The following PCED1A variants were observed in gnomAD, a reference collection of about 807,000 sequenced individuals.
The protein encoded by PCED1A is PC-esterase domain containing 1A.
In PCED1A, 20 loss-of-function variants were observed where a neutral mutation model predicts 41.9. The observed-to-expected ratio is 0.48, with a 90% confidence interval of 0.34 to 0.69. The LOEUF (loss-of-function observed/expected upper bound fraction) is 0.69. Among genes scored for constraint, PCED1A ranks in the 30% least tolerant of loss-of-function variants. The pLI, the probability that PCED1A is intolerant of heterozygous loss-of-function variation, is 0.01. For synonymous variants in PCED1A, 236 were observed against 241.3 expected (o/e 0.98, Z 0.20); for missense variants, 498 against 602.1 (o/e 0.83, Z 1.81).
At chr20:2,835,994 G>GT (rs1245002804) in intron 7 of PCED1A, 45 bp downstream of exon 7, 1 of 1,457,328 alleles carries the variant, frequency 6.9e-7, no homozygotes, top group East Asian at 2.5e-5. Context: ...AGGAGGCTGG[G>GT]TAAGGGGAGG....
Position 2,838,943 on chromosome 20 carries a change from C to T in PCED1A, c.344G>A (p.Arg115His), listed in dbSNP as rs1403707202. ...ATCCTCAAGGTACTCGGAGTAAACA[C>T]GAGTGAGGAAGTAGAAGCGCACAAG... ...HHLVRFYFLT[R>H]VYSEYLEDVL... Residue 115 changes from arginine (R) to histidine (H), a missense_variant, in exon 4 of 8, where the codon CGT (arginine) becomes CAT (histidine). By Grantham distance (29) the Arg-to-His change is conservative. Transcript: ENST00000360652. The surrounding 1 kb of genome is among the most constrained non-coding windows in gnomAD (Gnocchi z 5.8). 7 of 1,613,918 alleles carry T rather than the reference C, an allele frequency of 4.3e-6. No individual in the cohort carries two copies. Among genetic ancestry groups the T allele is most frequent in the African/African-American group, 4.0e-5 (3 of 74,902 alleles).
chr20:2,840,813 C>G, upstream of PCED1A: 1 of 1,548,092 alleles, frequency 6.5e-7, no homozygotes, highest in Non-Finnish European at 8.7e-7. Flanking sequence ...CACTCGGGGA[C>G]TCTGCCTTTT....
At position 2,835,324 on chromosome 20, in the gene PCED1A, T is replaced by C. The variant is rs1348487358; in HGVS notation, c.*138A>G. 4 of 1,181,874 alleles carry C rather than the reference T, an allele frequency of 3.4e-6. No individual in the cohort carries two copies. Among genetic ancestry groups the C allele is most frequent in the African/African-American group, 1.6e-5 (1 of 63,902 alleles). 73.2% of individuals were successfully genotyped at this position (1,181,874 alleles called of 1,614,324 possible). A position where few individuals can be genotyped will look rare whatever the true frequency, so the allele number is the denominator to read the frequency against. On this transcript the variant is annotated 3_prime_UTR_variant, in exon 8 of 8. Transcript: ENST00000360652. ...CACTGCACACAGGAATTTGTCACTC[T>C]GTTCTTCCATGCCTTTATTGGTGAC... is the stretch of plus-strand genomic sequence containing the variant.
chr20:2,837,920 C>T (rs984362575), intron 6 of PCED1A, among the ~76,000 whole-genome samples: 7 of 152,200 alleles, frequency 4.6e-5, no homozygotes, highest in African/African-American at 1.7e-4. Context: ...ACCCATGCCC[C>T]ATTTCTTTCC....
At chr20:2,839,692 A>G (rs2146622068) in intron 2 of PCED1A, 97 bp downstream of exon 2, 1 of 1,530,720 alleles carries the variant, frequency 6.5e-7, no homozygotes, top group Non-Finnish European at 8.9e-7. Context: ...AGACCAGAAG[A>G]CAGACAAGAG....
Position 2,839,062 on chromosome 20 carries a change from C to G in PCED1A, c.225G>C (p.Gln75His), listed in dbSNP as rs571531085. ...LKAKGELSFE[Q>H]DQLVAGGQLG... Reference sequence around the variant, plus strand: ...GCTGGCCCCCAGCCACCAGCTGGTCCTGTTCAAAGCTCAGCTCCCCCTACC... The same window carrying G: ...GCTGGCCCCCAGCCACCAGCTGGTCGTGTTCAAAGCTCAGCTCCCCCTACC... The change falls in exon 4 of 8, where the codon CAG becomes CAC. Residue 75 changes from glutamine (Q) to histidine (H), a missense_variant. Physicochemically the swap from Gln to His is conservative, Grantham distance 24 (BLOSUM62 0). This residue lies in a region of PCED1A where 253 missense variants were observed against 369.7 expected (regional missense o/e 0.68). Transcript: ENST00000360652. 3.1e-6 allele frequency: 5 copies of G among 1,613,298 alleles called. No homozygotes were observed. Among genetic ancestry groups the G allele is most frequent in the Non-Finnish European group, 4.2e-6 (5 of 1,179,888 alleles).
In PCED1A at chr20:2,839,825, G is replaced by A; in HGVS notation, c.88C>T (p.Leu30=). 6.2e-7 allele frequency: 1 copy of A among 1,614,186 alleles called. No individual in the cohort carries two copies. The highest frequency in any genetic ancestry group is 8.5e-7 in the Non-Finnish European group (1 of 1,180,018). Residue 30 remains leucine (L), a synonymous_variant, in exon 2 of 8, where the codon CTA becomes TTA. Coordinates refer to ENST00000360652, the MANE Select transcript of PCED1A (RefSeq NM_022760.6). ...AAGATGACCACGAACTTGTTGTGTA[G>A]CAGCTGCTGGACTTCCGAGGCCTGG... ...HFQASEVQQL[L]HNKFVVILGD...
chr20:2,835,544 C>T lies in PCED1A; in HGVS notation c.1283G>A (p.Arg428Gln), dbSNP rs544217065. The change falls in exon 8 of 8, where the codon CGG becomes CAG. Residue 428 changes from arginine (R) to glutamine (Q), a missense_variant. Physicochemically the swap from Arg to Gln is conservative, Grantham distance 43. Around this residue, in one of 2 missense-constraint regions of PCED1A, gnomAD observed 245 missense variants for 232.4 expected, o/e 1.05. Coordinates refer to ENST00000360652, the MANE Select transcript of PCED1A (RefSeq NM_022760.6). ...GATCAGTCTCTCTGAGTGTCTGAGC[C>T]GCTGCCTGCAGGGCCCCCCCATTCT... is the stretch of plus-strand genomic sequence containing the variant. ...VRRMGGPCRQ[R>Q]LRHSERLIHT... is the part of the protein sequence containing the mutation. 47 of 1,613,984 alleles carry T rather than the reference C, an allele frequency of 2.9e-5. No homozygotes were observed. Among genetic ancestry groups the T allele is most frequent in the South Asian group, 2.2e-4 (20 of 91,060 alleles).
At chr20:2,840,686 C>T (rs1328817111), upstream of PCED1A, 32 of 1,435,914 alleles carry the variant, frequency 2.2e-5, no homozygotes, top group East Asian at 3.7e-4. Context: ...CGCCACGTGA[C>T]CCGGACGGGC....
Position 2,838,251 on chromosome 20 carries a change from G to A in PCED1A, c.822C>T (p.Pro274=). Residue 274 remains proline (P), a synonymous_variant, in exon 6 of 8, where the codon CCC becomes CCT. Coordinates refer to ENST00000360652, the MANE Select transcript of PCED1A (RefSeq NM_022760.6). This position sits in a 1 kb window ranked among gnomAD's most constrained non-coding sequence, Gnocchi z 5.8. ...HVADAWGVEL[P]KRGYPPDPWI... ...GCTCACCAGGGGGATAGCCACGCTT[G>A]GGCAGCTCCACGCCCCAGGCGTCAG... 1 of 1,614,198 alleles carries A rather than the reference G, an allele frequency of 6.2e-7. No homozygotes were observed. The highest frequency in any genetic ancestry group is 8.5e-7 in the Non-Finnish European group (1 of 1,180,034).
Position 2,840,320 on chromosome 20 carries a change from G to A in PCED1A, c.-131C>T, listed in dbSNP as rs1200583758. 3 of 244,650 alleles carry A rather than the reference G, an allele frequency of 1.2e-5. No homozygotes were observed. Among genetic ancestry groups the A allele is most frequent in the African/African-American group, 6.9e-5 (3 of 43,542 alleles). 15.2% of individuals were successfully genotyped at this position (244,650 alleles called of 1,614,324 possible). ...AGCCTCATGTTCCCGCGCCCCAGTCGGCCAGTCGGTTCTGCAAAGCTCCCG... is the reference window on the plus strand; with the variant it reads ...AGCCTCATGTTCCCGCGCCCCAGTCAGCCAGTCGGTTCTGCAAAGCTCCCG... On this transcript the variant is annotated 5_prime_UTR_variant, in exon 1 of 8. Transcript: ENST00000360652.
upstream of PCED1A, chr20:2,840,664 C>G: frequency 1.6e-6 from 2 of 1,221,172 alleles, no homozygotes; most frequent in South Asian, 1.3e-5. Context: ...GTGATGGCCG[C>G]GGCGGCGGCC....
chr20:2,836,838 C>T (rs3746689), intron 6 of PCED1A, among the ~76,000 whole-genome samples: 31,205 of 152,034 alleles, frequency 0.21, 4,180 homozygotes, highest in African/African-American at 0.38. Flanking sequence ...CTGCCAGCAG[C>T]CTCAGTCCTT....
chr20:2,839,249 G>A lies in PCED1A; in HGVS notation c.147C>T (p.Asp49=), dbSNP rs754990849. The A allele has an allele frequency of 1.2e-5, 20 of 1,613,958 alleles. No individual in the cohort carries two copies. The highest frequency in any genetic ancestry group is 1.4e-5 in the Non-Finnish European group (16 of 1,180,016). ...AGTCTTTCTGGAGCAAGAGCACCAG[G>A]TCCTTGTACACAGCCCTCTGAACTG... ...GDSIQRAVYK[D]LVLLLQKDSL... The change falls in exon 3 of 8, where the codon GAC becomes GAT. Residue 49 remains aspartate (D), a synonymous_variant. Coordinates refer to ENST00000360652, the MANE Select transcript of PCED1A (RefSeq NM_022760.6).
chr20:2,835,394 C>A lies in PCED1A; in HGVS notation c.*68G>T, dbSNP rs1167478207. On this transcript the variant is annotated 3_prime_UTR_variant, in exon 8 of 8. Coordinates refer to ENST00000360652, the MANE Select transcript of PCED1A (RefSeq NM_022760.6). Reference sequence around the variant, plus strand: ...ACCAGGCATAGCAGACACCCTAGCCCAGTACCTGAGGTGCCAGGCAGGCCC... The same window carrying A: ...ACCAGGCATAGCAGACACCCTAGCCAAGTACCTGAGGTGCCAGGCAGGCCC... 12 of 1,536,548 alleles carry A rather than the reference C, an allele frequency of 7.8e-6. No homozygotes were observed. The highest frequency in any genetic ancestry group is 1.4e-5 in the African/African-American group (1 of 72,968).
intron 6 of PCED1A, among the ~76,000 whole-genome samples, chr20:2,837,350 T>G (rs945401298): frequency 3.3e-5 from 5 of 152,220 alleles, no homozygotes; most frequent in Non-Finnish European, 2.9e-5. Flanking sequence ...ATCGGCCTTC[T>G]AACATGACTC....
At chr20:2,837,541 T>C (rs1220321890) in intron 6 of PCED1A, among the ~76,000 whole-genome samples, 1 of 152,164 alleles carries the variant, frequency 6.6e-6, no homozygotes, top group Non-Finnish European at 1.5e-5. Flanking sequence ...TTTGTGTGCA[T>C]GCAGGGACTA....
At chr20:2,840,866 C>G (rs780130069), upstream of PCED1A, 6 of 1,502,924 alleles carry the variant, frequency 4.0e-6, no homozygotes, top group South Asian at 6.1e-5. Context: ...CCTGGCTTAC[C>G]CTGCTCGCCC....
chr20:2,837,309 C>G (rs1393439646), intron 6 of PCED1A, among the ~76,000 whole-genome samples: 1 of 152,214 alleles, frequency 6.6e-6, no homozygotes, highest in African/African-American at 2.4e-5. Flanking sequence ...CCTGGACTCT[C>G]TGTGCCCCCA....
Sources: gnomAD v4.1 joint callset for allele counts (sites outside exome capture counted in the v4.1 genomes callset) on GRCh38, gnomAD v4.1.1 for gene constraint, gnomAD v4.1.1 regional missense constraint, Gnocchi (gnomAD v3.1) non-coding constraint, MANE v1.5 for transcripts, NCBI Gene and HGNC (gene_info 2026-07-23, HGNC 2026-07-21) for gene names.